HTR2A: variants seen among roughly 807,000 people sequenced by gnomAD.
HTR2A encodes the protein 5-hydroxytryptamine receptor 2A, also known as 5-HT2 receptor.
Under a neutral mutation model 31.0 loss-of-function variants are expected in HTR2A, and 14 were observed. The ratio of observed to expected loss-of-function variants is 0.45; its 90% CI spans 0.30 to 0.71. The LOEUF (loss-of-function observed/expected upper bound fraction) is 0.71. Ranked by LOEUF, HTR2A falls within the 30% of genes least tolerant of loss-of-function variation. The pLI is 0.09. For missense variants in HTR2A, 442 were observed against 573.3 expected (o/e 0.77, Z 2.34); for synonymous variants, 209 against 225.2 (o/e 0.93, Z 0.64).
Position 46,892,549 on chromosome 13 carries a change from T to G in HTR2A, c.454A>C (p.Ile152Leu), listed in dbSNP as rs1407993241. The G allele has an allele frequency of 5.0e-6, 8 of 1,613,984 alleles. No homozygotes were observed. The highest frequency in any genetic ancestry group is 6.8e-6 in the Non-Finnish European group (8 of 1,180,024). The stretch of plus-strand genomic sequence containing the variant: ...GTGGAGAAGAGCACGTCCAGGTAAA[T>G]CCAGACTGCACAAAGCTTGCTCGGC... ...PLPSKLCAVWIYLDVLFSTAS... is the reference protein window; with the variant it reads ...PLPSKLCAVWLYLDVLFSTAS... The change falls in exon 3 of 4, where the codon ATT becomes CTT. Residue 152 changes from isoleucine to leucine, a missense_variant. By Grantham distance (5) the Ile-to-Leu change is conservative. Coordinates refer to ENST00000542664, the MANE Select transcript of HTR2A (RefSeq NM_000621.5).
intron 3 of HTR2A, among the ~76,000 whole-genome samples, chr13:46,857,027 C>G (rs572912948): frequency 2.5e-4 from 38 of 152,024 alleles, no homozygotes; most frequent in Non-Finnish European, 4.4e-4. Context: ...GCTGGCTGGG[C>G]GCGGTGGCTC....
chr13:46,844,556 T>C (rs1950624984), intron 3 of HTR2A, among the ~76,000 whole-genome samples: 2 of 152,242 alleles, frequency 1.3e-5, no homozygotes, highest in African/African-American at 4.8e-5. Flanking sequence ...AAAAGATCGC[T>C]GTAGAACATG....
chr13:46,895,913 G>C lies in HTR2A; in HGVS notation c.-7C>G. ...CTTCACAAAGAATATCCATGTCTAA[G>C]CCAGAACTTGTAGCAGATGAGGTGT... is the stretch of plus-strand genomic sequence containing the variant. On this transcript the variant is annotated 5_prime_UTR_variant, in exon 2 of 4. Transcript: ENST00000542664. The surrounding 1 kb of genome is among the most constrained non-coding windows in gnomAD (Gnocchi z 4.4). The C allele has an allele frequency of 6.2e-7, 1 of 1,600,536 alleles. No homozygotes were observed. The highest frequency in any genetic ancestry group is 1.3e-5 in the African/African-American group (1 of 74,692).
At chr13:46,888,990 A>G (rs148250884) in intron 3 of HTR2A, among the ~76,000 whole-genome samples, 4 of 152,318 alleles carry the variant, frequency 2.6e-5, no homozygotes, top group Non-Finnish European at 4.4e-5. Flanking sequence ...AGAAAATAGC[A>G]AATTGTAAGA....
Position 46,896,712 on chromosome 13 carries a change from T to C in HTR2A, c.-367A>G, listed in dbSNP as rs1051048614. 2.0e-6 allele frequency: 3 copies of C among 1,535,838 alleles called. No homozygotes were observed. The highest frequency in any genetic ancestry group is 2.7e-5 in the African/African-American group (2 of 73,040). ...GTCCACACATGAGATACATTTGTTA[T>C]TCTGTGACTCGCTGCATCTCTCACA... On this transcript the variant is annotated 5_prime_UTR_variant, in exon 1 of 4. Transcript: ENST00000542664.
chr13:46,881,323 G>A (rs148715283), intron 3 of HTR2A, among the ~76,000 whole-genome samples: 509 of 152,222 alleles, frequency 3.3e-3, no homozygotes, highest in African/African-American at 0.012. Flanking sequence ...CTTGACACTT[G>A]ACAGCTCTCC....
chr13:46,836,931 T>C (rs762487295), intron 3 of HTR2A, among the ~76,000 whole-genome samples: 8 of 152,206 alleles, frequency 5.3e-5, no homozygotes, highest in Non-Finnish European at 1.0e-4. Flanking sequence ...TTTTTAGTAG[T>C]AGAGCATTCA....
chr13:46,870,280 C>T (rs1161182022), intron 3 of HTR2A, among the ~76,000 whole-genome samples: 1 of 152,154 alleles, frequency 6.6e-6, no homozygotes, highest in East Asian at 1.9e-4. Flanking sequence ...TGCTAAACTA[C>T]TGTCTTGAAC....
chr13:46,877,713 G>A (rs186385362), intron 3 of HTR2A, among the ~76,000 whole-genome samples: 80 of 152,098 alleles, frequency 5.3e-4, no homozygotes, highest in Admixed American at 4.5e-3. Context: ...GATTATAATC[G>A]AATATGTGAA....
rs887381628 is a variant in HTR2A, at chr13:46,832,772, A to G, written c.*2065T>C. 6.6e-6 allele frequency: 1 copy of G among 152,218 alleles called. No individual in the cohort carries two copies. The highest frequency in any genetic ancestry group is 2.4e-5 in the African/African-American group (1 of 41,462). The allele number at this position is 152,218 out of a possible 1,614,324, so 9.4% of individuals were successfully genotyped here. On this transcript the variant is annotated 3_prime_UTR_variant, in exon 4 of 4. Coordinates refer to ENST00000542664, the MANE Select transcript of HTR2A (RefSeq NM_000621.5). ...TGAGAATTTTATGCATTTCCAAATT[A>G]CACAATGACACTTCCCACATTCTTT...
rs1249293212 is a variant in HTR2A at position 46,867,955 on chromosome 13, G to A, written c.613+24435C>T. On this transcript the variant is annotated intron_variant, in intron 3 of 3. Transcript: ENST00000542664. ...AAGTGAACTTTTTGTCCTGAGTGAA[G>A]CACAAAGTACCCACATTGTAAAGTG... Among the ~76,000 whole-genome samples, 83 of 152,160 alleles carry A rather than the reference G, an allele frequency of 5.5e-4. 1 individual carries two copies. The highest frequency in any genetic ancestry group is 5.9e-5 in the Non-Finnish European group (4 of 68,028).
intron 3 of HTR2A, among the ~76,000 whole-genome samples, chr13:46,847,767 A>G (rs1475999757): frequency 6.6e-6 from 1 of 152,100 alleles, no homozygotes; most frequent in African/African-American, 2.4e-5. Flanking sequence ...CCTAAATCCT[A>G]AGATTAGGCA....
chr13:46,848,495 GA>G (rs1950660140), intron 3 of HTR2A, among the ~76,000 whole-genome samples: 1 of 152,140 alleles, frequency 6.6e-6, no homozygotes, highest in Non-Finnish European at 1.5e-5. Context: ...AAAAGTGGGG[GA>G]AAACCCCACA....
chr13:46,835,914 T>C (rs1271851960), intron 3 of HTR2A, among the ~76,000 whole-genome samples: 2 of 152,028 alleles, frequency 1.3e-5, no homozygotes, highest in East Asian at 3.8e-4. Flanking sequence ...TTTCTGATTA[T>C]AATATTATAC....
intron 3 of HTR2A, among the ~76,000 whole-genome samples, chr13:46,873,472 G>C (rs1181819319): frequency 7.5e-6 from 1 of 134,200 alleles, no homozygotes; most frequent in Non-Finnish European, 1.6e-5. Context: ...TATACTTTAA[G>C]TTTTAGGGTA....
At chr13:46,877,493 C>G (rs1438361904) in intron 3 of HTR2A, among the ~76,000 whole-genome samples, 1 of 152,096 alleles carries the variant, frequency 6.6e-6, no homozygotes, top group Non-Finnish European at 1.5e-5. Flanking sequence ...GGAAAGCAAT[C>G]TAAAACTTTT....
chr13:46,854,674 C>A (rs541061737), intron 3 of HTR2A, among the ~76,000 whole-genome samples: 23 of 152,140 alleles, frequency 1.5e-4, no homozygotes, highest in African/African-American at 5.6e-4. Flanking sequence ...AGATCTTACA[C>A]GACCAATAAC....
chr13:46,858,199 G>A (rs1460630811), intron 3 of HTR2A, among the ~76,000 whole-genome samples: 1 of 152,106 alleles, frequency 6.6e-6, no homozygotes, highest in African/African-American at 2.4e-5. Flanking sequence ...GGAAGGGGAC[G>A]ATTCAGTTTT....
Position 46,896,847 on chromosome 13 carries a change from C to G in HTR2A, c.-502G>C, listed in dbSNP as rs768824499. ...CAAAAACTGCATGCAAGAGCTGAGCCAGCTCCCGCACTGCTAGGATCCTGT... is the reference window on the plus strand; with the variant it reads ...CAAAAACTGCATGCAAGAGCTGAGCGAGCTCCCGCACTGCTAGGATCCTGT... On this transcript the variant is annotated 5_prime_UTR_variant, in exon 1 of 4. Coordinates refer to ENST00000542664, the MANE Select transcript of HTR2A (RefSeq NM_000621.5). 7.8e-6 allele frequency: 12 copies of G among 1,536,366 alleles called. No homozygotes were observed. In the African/African-American group the frequency reaches 1.5e-4, roughly 19 times the overall value.
Sources: gnomAD v4.1 joint callset for allele counts (sites outside exome capture counted in the v4.1 genomes callset) on GRCh38, gnomAD v4.1.1 for gene constraint, Gnocchi (gnomAD v3.1) non-coding constraint, MANE v1.5 for transcripts, NCBI Gene and HGNC (gene_info 2026-07-23, HGNC 2026-07-21) for gene names.